FGD4: variants seen among roughly 807,000 people sequenced by gnomAD.
FGD4 encodes the protein FYVE, RhoGEF and PH domain-containing protein 4.
In FGD4, 42 loss-of-function variants were observed where a neutral mutation model predicts 102.0. That is an observed-to-expected ratio of 0.41 (90% CI 0.32 to 0.53). FGD4 has a LOEUF of 0.53. FGD4 is among the 20% of genes least tolerant of loss of function. The pLI is 0.21. For synonymous variants in FGD4, 380 were observed against 375.7 expected (o/e 1.01, Z -0.13); for missense variants, 902 against 1,078.2 (o/e 0.84, Z 2.29).
At chr12:32,441,055 C>G (rs1385512734) in intron 1 of FGD4, among the ~76,000 whole-genome samples, 1 of 152,126 alleles carries the variant, frequency 6.6e-6, no homozygotes, top group African/African-American at 2.4e-5. Context: ...GTGGGCTCCC[C>G]TCTGGCCTGG....
chr12:32,631,230 GA>G (rs899498332), intron 14 of FGD4, among the ~76,000 whole-genome samples: 1 of 152,166 alleles, frequency 6.6e-6, no homozygotes, highest in African/African-American at 2.4e-5. Flanking sequence ...GGAAAGTGAG[GA>G]ACAAACTATG....
intron 1 of FGD4, among the ~76,000 whole-genome samples, chr12:32,449,743 TTTC>T (rs1034827897): frequency 6.6e-6 from 1 of 151,974 alleles, no homozygotes; most frequent in Non-Finnish European, 1.5e-5. Context: ...TTTCATTTCT[TTTC>T]TTTTCTTTTG....
At chr12:32,553,982 C>T (rs916417970) in intron 1 of FGD4, among the ~76,000 whole-genome samples, 9 of 152,078 alleles carry the variant, frequency 5.9e-5, no homozygotes, top group Admixed American at 3.3e-4. Context: ...GTCACAGCTA[C>T]TCAGGAGGCT....
At chr12:32,620,693 A>ATTT (rs1208809588) in intron 11 of FGD4, among the ~76,000 whole-genome samples, 7,528 of 96,944 alleles carry the variant, frequency 0.078, 472 homozygotes, top group Non-Finnish European at 0.095. Flanking sequence ...CACCTGGCTA[A>ATTT]TTTTTTTTTT....
At chr12:32,552,978 G>C (rs1943820679) in intron 1 of FGD4, among the ~76,000 whole-genome samples, 2 of 134,296 alleles carry the variant, frequency 1.5e-5, no homozygotes, top group Admixed American at 7.8e-5. Context: ...ATTTTTAGTA[G>C]AGACAGGGTT....
rs1943110274 is a variant in FGD4, at chr12:32,544,804, A to G, written c.167-19333A>G. The stretch of plus-strand genomic sequence containing the variant: ...AACTTTAGCTTACCAGCTGAAAATT[A>G]TGGAATTCATTTCATATAGCTTCCA... On this transcript the variant is annotated intron_variant, in intron 1 of 16. Coordinates refer to ENST00000534526, the MANE Select transcript of FGD4 (RefSeq NM_001370298.3). The surrounding 1 kb of genome is among the most constrained non-coding windows in gnomAD (Gnocchi z 4.1). Among the ~76,000 whole-genome samples, 1 of 152,182 alleles carries G rather than the reference A, an allele frequency of 6.6e-6. No homozygotes were observed.
At position 32,633,412 on chromosome 12, in the gene FGD4, T is replaced by G. The variant is rs371829789; in HGVS notation, c.2173-137T>G. On this transcript the variant is annotated intron_variant, in intron 14 of 16. Transcript: ENST00000534526. The stretch of plus-strand genomic sequence containing the variant: ...CACCTTGATATGTACTTCTAGTGTT[T>G]ATAGGGATGTTCCTTTTCTAACAAA... The G allele has an allele frequency of 2.9e-5, 25 of 867,106 alleles. 2 individuals carry two copies. The highest frequency in any genetic ancestry group is 5.5e-5 in the East Asian group (2 of 36,068). The allele number at this position is 867,106 out of a possible 1,614,324, so 53.7% of individuals were successfully genotyped here. A position where few individuals can be genotyped will look rare whatever the true frequency, so the allele number is the denominator to read the frequency against.
At chr12:32,439,671 C>G (rs1169307865) in intron 1 of FGD4, among the ~76,000 whole-genome samples, 1 of 152,142 alleles carries the variant, frequency 6.6e-6, no homozygotes, top group African/African-American at 2.4e-5. Flanking sequence ...GTTAAATCTG[C>G]TTGGTGTTCT....
At chr12:32,419,621 A>G (rs1381518040) in intron 1 of FGD4, among the ~76,000 whole-genome samples, 1 of 152,204 alleles carries the variant, frequency 6.6e-6, no homozygotes. Context: ...CTCTGGGCCC[A>G]GCTTAGCACT....
chr12:32,609,663 A>G (rs1161237567), intron 8 of FGD4, among the ~76,000 whole-genome samples: 1 of 149,868 alleles, frequency 6.7e-6, no homozygotes, highest in African/African-American at 2.5e-5. Context: ...TGCTACTTTC[A>G]CTCAAATTCC....
At chr12:32,535,748 TCAAA>T (rs1002814322) in intron 1 of FGD4, among the ~76,000 whole-genome samples, 1 of 152,224 alleles carries the variant, frequency 6.6e-6, no homozygotes, top group African/African-American at 2.4e-5. Context: ...TCATTTATCT[TCAAA>T]CAGTTAGAGA....
intron 14 of FGD4, among the ~76,000 whole-genome samples, chr12:32,628,238 G>T (rs1592466526): frequency 6.6e-6 from 1 of 152,304 alleles, no homozygotes; most frequent in East Asian, 1.9e-4. Context: ...TGCTAACTCA[G>T]TAGGGGAGAT....
intron 1 of FGD4, among the ~76,000 whole-genome samples, chr12:32,498,860 C>T (rs1292070077): frequency 6.6e-6 from 1 of 152,192 alleles, no homozygotes; most frequent in Non-Finnish European, 1.5e-5. Flanking sequence ...CTTGGCCTCC[C>T]AAAGTGCTGG....
intron 1 of FGD4, among the ~76,000 whole-genome samples, chr12:32,541,508 G>C (rs1181822994): frequency 1.3e-5 from 2 of 152,120 alleles, no homozygotes; most frequent in East Asian, 3.9e-4. Flanking sequence ...TGGGATTAGA[G>C]GCGCCTGCCA....
chr12:32,529,160 G>T (rs548034772), intron 1 of FGD4, among the ~76,000 whole-genome samples: 1 of 152,154 alleles, frequency 6.6e-6, no homozygotes, highest in South Asian at 2.1e-4. Flanking sequence ...CTGTCCCCAG[G>T]CTGGAGTGCA....
At chr12:32,602,347 A>C (rs2136660197) in intron 7 of FGD4, 30 bp downstream of exon 7, 1 of 1,612,690 alleles carries the variant, frequency 6.2e-7, no homozygotes, top group Middle Eastern at 1.7e-4. Flanking sequence ...CAAAGCTATG[A>C]ATTACTATTT....
chr12:32,449,046 CAA>C (rs1942699066), intron 1 of FGD4, among the ~76,000 whole-genome samples: 1 of 152,142 alleles, frequency 6.6e-6, no homozygotes, highest in African/African-American at 2.4e-5. Context: ...ACTGAGATAT[CAA>C]AGTCAGGTAA....
chr12:32,456,301 A>G (rs1406846318), intron 1 of FGD4, among the ~76,000 whole-genome samples: 2 of 152,154 alleles, frequency 1.3e-5, no homozygotes, highest in Non-Finnish European at 2.9e-5. Context: ...TATTGCCATA[A>G]TTTGTGGCTG....
chr12:32,475,707 A>T (rs1029380402), intron 1 of FGD4, among the ~76,000 whole-genome samples: 13 of 152,224 alleles, frequency 8.5e-5, no homozygotes, highest in African/African-American at 2.9e-4. Flanking sequence ...CACTGGTCTA[A>T]GAGAAAGTCC....
Sources: allele counts gnomAD v4.1 joint callset (sites outside exome capture counted in the v4.1 genomes callset), GRCh38; gene constraint gnomAD v4.1.1; non-coding constraint Gnocchi (gnomAD v3.1); transcripts MANE v1.5; gene names NCBI Gene and HGNC (gene_info 2026-07-23, HGNC 2026-07-21).